TPO: variants seen among roughly 807,000 people sequenced by gnomAD.
The protein encoded by TPO is thyroid microsomal antigen.
In TPO, 78 loss-of-function variants were observed where a neutral mutation model predicts 96.9. That is an observed-to-expected ratio of 0.81 (90% CI 0.67 to 0.97). The LOEUF (loss-of-function observed/expected upper bound fraction) is 0.97, where lower values mean the gene tolerates loss of function less well. TPO is among the 50% of genes least tolerant of loss of function. The pLI is 0.00. For synonymous variants in TPO, 547 were observed against 538.0 expected (o/e 1.02, Z -0.23); for missense variants, 1,252 against 1,274.8 (o/e 0.98, Z 0.27).
At position 1,477,364 on chromosome 2, in the gene TPO, C is replaced by A. The variant is rs534920357; in HGVS notation, c.1098C>A (p.Phe366Leu). 17 of 1,538,452 alleles carry A rather than the reference C, an allele frequency of 1.1e-5. No homozygotes were observed. The highest frequency in any genetic ancestry group is 1.4e-5 in the African/African-American group (1 of 72,964). Residue 366 changes from phenylalanine to leucine, a missense_variant, in exon 8 of 17, where the codon TTC (phenylalanine) becomes TTA (leucine). Phe to Leu is a conservative substitution (Grantham distance 22). Transcript: ENST00000329066. The stretch of plus-strand genomic sequence containing the variant: ...ACTCCGGCCGCGCCTACCTGCCCTT[C>A]GTGCCGCCACGCGCGCCTGCGGCCT... ...LRDSGRAYLP[F>L]VPPRAPAACA...
At chr2:1,534,162 C>T (rs1321202004) in intron 15 of TPO, among the ~76,000 whole-genome samples, 1 of 57,426 alleles carries the variant, frequency 1.7e-5, no homozygotes, top group Non-Finnish European at 3.4e-5. Flanking sequence ...CCCAAATCCC[C>T]CCCAATGCGA....
chr2:1,398,790 T>C (rs1662123538), intron 1 of TPO, among the ~76,000 whole-genome samples: 1 of 152,118 alleles, frequency 6.6e-6, no homozygotes, highest in African/African-American at 2.4e-5. Context: ...GCAGCCCAGC[T>C]GAGGATTGCA....
At position 1,379,888 on chromosome 2, in the gene TPO, C is replaced by T. The variant is rs2148341285; in HGVS notation, n.180+5486C>T. 2.0e-5 allele frequency among the ~76,000 whole-genome samples: 3 copies of T among 152,214 alleles called. 1 individual carries two copies. The highest frequency in any genetic ancestry group is 6.8e-3 in the Middle Eastern group (2 of 294). On this transcript the variant is annotated intron_variant and non_coding_transcript_variant, in intron 1 of 5. Transcript: ENST00000497517. ...AGAAATTTAGGGGCAGGCATGTGTC[C>T]TGTAGACATCACATTTTCCAAGATC...
chr2:1,413,759 T>C (rs1182304547), intron 1 of TPO: 1 of 985,110 alleles, frequency 1.0e-6, no homozygotes, highest in Non-Finnish European at 1.2e-6. Context: ...GATCACCGTC[T>C]ACTGAGACAC....
At chr2:1,441,021 G>A (rs11211647) in intron 5 of TPO, among the ~76,000 whole-genome samples, 12,668 of 151,838 alleles carry the variant, frequency 0.083, 618 homozygotes, top group Non-Finnish European at 0.13. Context: ...TGTAGTCAGT[G>A]CCACAGGAGG....
intron 15 of TPO, among the ~76,000 whole-genome samples, chr2:1,529,737 TCTCCTCAAATCCCCCCACTGTGTGCAAC>T (rs1677598980): frequency 1.1e-3 from 20 of 18,092 alleles, no homozygotes; most frequent in Admixed American, 6.0e-3. Context: ...CTGTGAGCAA[TCTCCTCAAATCCCCCCACTGTGTGCAAC>T]CTCCTCTAAT....
At chr2:1,535,234 C>T (rs1336523901) in intron 15 of TPO, among the ~76,000 whole-genome samples, 1 of 118,050 alleles carries the variant, frequency 8.5e-6, no homozygotes, top group African/African-American at 3.0e-5. Flanking sequence ...TGCAACCTCC[C>T]CAAATCCACC....
At chr2:1,406,886 T>C (rs1290030145) in intron 1 of TPO, among the ~76,000 whole-genome samples, 1 of 152,230 alleles carries the variant, frequency 6.6e-6, no homozygotes, top group Non-Finnish European at 1.5e-5. Flanking sequence ...AGATCATTAT[T>C]TGAAAGATCA....
chr2:1,473,591 C>T (rs1210839253), intron 7 of TPO, among the ~76,000 whole-genome samples: 1 of 152,120 alleles, frequency 6.6e-6, no homozygotes, highest in South Asian at 2.1e-4. Context: ...TGAAAAAGTA[C>T]TATCATTATT....
At chr2:1,530,904 C>G (rs1229291440) in intron 15 of TPO, among the ~76,000 whole-genome samples, 1 of 111,934 alleles carries the variant, frequency 8.9e-6, no homozygotes, top group East Asian at 3.0e-4. Flanking sequence ...TGCAACCTCC[C>G]CAAATCCCCC....
In TPO at chr2:1,523,080, G is replaced by C. The variant is rs1408952526; in HGVS notation, c.2618+6098G>C. On this transcript the variant is annotated intron_variant, in intron 15 of 16. Transcript: ENST00000329066. The stretch of plus-strand genomic sequence containing the variant: ...TGCAACCTCACCAAATCCCGACACT[G>C]TGTGCAACCTCCCCAAATCCTGCGC... Among the ~76,000 whole-genome samples, 11 of 127,730 alleles carry C rather than the reference G, an allele frequency of 8.6e-5. No individual in the cohort carries two copies. The Admixed American group carries it at 9.0e-4, about 10-fold the overall frequency. The allele number at this position is 127,730 out of a possible 152,430, so 83.8% of individuals were successfully genotyped here.
At chr2:1,443,515 G>T (rs1261323574) in intron 5 of TPO, among the ~76,000 whole-genome samples, 1 of 150,388 alleles carries the variant, frequency 6.6e-6, no homozygotes, top group Middle Eastern at 3.4e-3. Flanking sequence ...GGGCCTTCTT[G>T]TTTGTATGAT....
At chr2:1,517,100 A>C in intron 15 of TPO, 118 bp downstream of exon 15, 4 of 1,004,352 alleles carry the variant, frequency 4.0e-6, no homozygotes, top group Non-Finnish European at 6.1e-6. Flanking sequence ...TGGTATCTCA[A>C]AGGCATTGAT....
intron 10 of TPO, among the ~76,000 whole-genome samples, chr2:1,492,381 C>A (rs1671856274): frequency 6.6e-6 from 1 of 152,182 alleles, no homozygotes; most frequent in African/African-American, 2.4e-5. Context: ...TCTTAAACTC[C>A]TGACCTCAGG....
At chr2:1,474,206 TA>T (rs1453367217) in intron 7 of TPO, among the ~76,000 whole-genome samples, 1 of 152,260 alleles carries the variant, frequency 6.6e-6, no homozygotes, top group African/African-American at 2.4e-5. Flanking sequence ...TAAGTAATAG[TA>T]AATTGTGTTA....
At chr2:1,381,023 G>A (rs1434415871) in intron 1 of TPO, among the ~76,000 whole-genome samples, 4 of 152,260 alleles carry the variant, frequency 2.6e-5, no homozygotes, top group East Asian at 1.9e-4. Context: ...TGTGCTGAAC[G>A]TGCAGGTTTG....
intron 14 of TPO, among the ~76,000 whole-genome samples, chr2:1,514,554 G>T (rs1674488761): frequency 6.6e-6 from 1 of 152,162 alleles, no homozygotes; most frequent in African/African-American, 2.4e-5. Flanking sequence ...CCACCAGAGG[G>T]GCACCCACGC....
intron 1 of TPO, among the ~76,000 whole-genome samples, chr2:1,406,558 T>C (rs528004364): frequency 6.6e-6 from 1 of 152,344 alleles, no homozygotes; most frequent in South Asian, 2.1e-4. Flanking sequence ...CCTGGGCCTC[T>C]GAGATGCTCT....
chr2:1,511,615 C>T (rs887623759), intron 14 of TPO, among the ~76,000 whole-genome samples: 46 of 152,216 alleles, frequency 3.0e-4, no homozygotes, highest in Admixed American at 2.9e-3. Flanking sequence ...TTGGCTCCCC[C>T]TGAGGACTCA....
Sources: gnomAD v4.1 joint callset for allele counts (sites outside exome capture counted in the v4.1 genomes callset) on GRCh38, gnomAD v4.1.1 for gene constraint, MANE v1.5 for transcripts, NCBI Gene and HGNC (gene_info 2026-07-23, HGNC 2026-07-21) for gene names.